The following SYNRG variants were observed in gnomAD, a reference collection of about 807,000 sequenced individuals.
SYNRG encodes the protein AP1 gamma subunit binding protein 1.
A neutral mutation model predicts 130.9 loss-of-function variants in SYNRG; 37 were observed. The ratio of observed to expected loss-of-function variants is 0.28; its 90% CI spans 0.22 to 0.37. The LOEUF is 0.37. SYNRG is among the 10% of genes least tolerant of loss of function. The probability of loss-of-function intolerance (pLI) is 1.00; values close to 1 mark genes in which losing one functional copy is unlikely to be tolerated. For synonymous variants in SYNRG, 539 were observed against 568.1 expected (o/e 0.95, Z 0.73); for missense variants, 1,338 against 1,588.9 (o/e 0.84, Z 2.68).
intron 19 of SYNRG, among the ~76,000 whole-genome samples, chr17:37,522,246 T>C (rs183240271): frequency 1.3e-5 from 2 of 152,144 alleles, no homozygotes; most frequent in Admixed American, 1.3e-4. Flanking sequence ...CACAGCTCAC[T>C]GCAGCCTTGA....
At chr17:37,606,057 CTA>C (rs1418198927) in intron 1 of SYNRG, 1 of 960,146 alleles carries the variant, frequency 1.0e-6, no homozygotes, top group Non-Finnish European at 1.2e-6. Flanking sequence ...GAAGTTAAAA[CTA>C]TGAAATGATT....
At position 37,517,415 on chromosome 17, in the gene SYNRG, C is replaced by A. The variant is rs1286334337; in HGVS notation, c.*1525G>T. On this transcript the variant is annotated 3_prime_UTR_variant, in exon 22 of 22. Transcript: ENST00000612223. ...AAGGTGCCCATTCAGAGTGAGCTGC[C>A]TCAGTCAGGAATGGCCAGAGACGGT... 3 of 151,912 alleles carry A rather than the reference C, an allele frequency of 2.0e-5. No individual in the cohort carries two copies. The highest frequency in any genetic ancestry group is 7.3e-5 in the African/African-American group (3 of 41,350). 9.4% of individuals were successfully genotyped at this position (151,912 alleles called of 1,614,324 possible). A position where few individuals can be genotyped will look rare whatever the true frequency, so the allele number is the denominator to read the frequency against.
At chr17:37,531,460 A>C (rs948270457) in intron 19 of SYNRG, among the ~76,000 whole-genome samples, 2 of 152,176 alleles carry the variant, frequency 1.3e-5, no homozygotes, top group African/African-American at 4.8e-5. Flanking sequence ...AAAAAATGAA[A>C]AAACTAAAAG....
chr17:37,566,019 C>A (rs2059953504), intron 11 of SYNRG, among the ~76,000 whole-genome samples: 3 of 148,036 alleles, frequency 2.0e-5, no homozygotes, highest in Non-Finnish European at 3.0e-5. Flanking sequence ...GTGGGGGGGT[C>A]AGCCCCCCGC....
chr17:37,568,384 C>T (rs2060156248), intron 11 of SYNRG: 1 of 155,284 alleles, frequency 6.4e-6, no homozygotes, highest in Non-Finnish European at 1.4e-5. Context: ...GATTAGAGTT[C>T]TGAATTATGA....
Position 37,553,098 on chromosome 17 carries a change from T to G in SYNRG, c.2608+17A>C. 6.2e-7 allele frequency: 1 copy of G among 1,603,540 alleles called. No individual in the cohort carries two copies. The highest frequency in any genetic ancestry group is 8.5e-7 in the Non-Finnish European group (1 of 1,176,434). On this transcript the variant is annotated intron_variant, in intron 14 of 21. Coordinates refer to ENST00000612223, the MANE Select transcript of SYNRG (RefSeq NM_007247.6). The stretch of plus-strand genomic sequence containing the variant: ...ATCTACAACACCATCACCAGAGCAA[T>G]CTCACCAATTCCTCACCTGCAGCAG...
chr17:37,540,288 T>G, intron 16 of SYNRG, 92 bp downstream of exon 16: 1 of 1,454,868 alleles, frequency 6.9e-7, no homozygotes, highest in Non-Finnish European at 9.4e-7. Context: ...TGCCCCTCAT[T>G]TTCCCCATGT....
At position 37,542,214 on chromosome 17, in the gene SYNRG, T is replaced by G. The variant is rs138000514; in HGVS notation, c.2960A>C (p.Asp987Ala). The change falls in exon 15 of 22, where the codon GAT becomes GCT. Residue 987 changes from aspartate to alanine, a missense_variant. Around this residue, in one of 3 missense-constraint regions of SYNRG, gnomAD observed 1,146 missense variants for 1,342.3 expected, o/e 0.85. Coordinates refer to ENST00000612223, the MANE Select transcript of SYNRG (RefSeq NM_007247.6). ...QKEYENRDYKDFTKQDLPTAE... is the reference protein window; with the variant it reads ...QKEYENRDYKAFTKQDLPTAE... ...CGTAGGCAGGTCCTGTTTTGTGAAA[T>G]CTTTATAGTCTCTGTTTTCATATTC... The G allele has an allele frequency of 2.8e-4, 446 of 1,614,222 alleles. 1 individual carries two copies. The African/African-American group carries it at 5.2e-3, about 19-fold the overall frequency.
intron 19 of SYNRG, among the ~76,000 whole-genome samples, chr17:37,526,118 G>C (rs1446414995): frequency 6.6e-6 from 1 of 152,096 alleles, no homozygotes; most frequent in Non-Finnish European, 1.5e-5. Context: ...GGGCAACAGA[G>C]GAAGATGCCA....
chr17:37,566,385 T>C (rs1218879468), intron 11 of SYNRG, among the ~76,000 whole-genome samples: 3 of 146,754 alleles, frequency 2.0e-5, no homozygotes, highest in African/African-American at 7.7e-5. Context: ...CAGGGTTAAA[T>C]GGATTAAGGG....
intron 1 of SYNRG, among the ~76,000 whole-genome samples, chr17:37,604,098 G>C (rs2063527731): frequency 6.6e-6 from 1 of 152,060 alleles, no homozygotes; most frequent in African/African-American, 2.4e-5. Context: ...AAATTAGCCT[G>C]GCGTGGTGGT....
chr17:37,565,941 C>T (rs1257681833), intron 11 of SYNRG, among the ~76,000 whole-genome samples: 4 of 147,536 alleles, frequency 2.7e-5, no homozygotes, highest in African/African-American at 1.1e-4. Context: ...CCCGGCCAGC[C>T]GCCCCGTCCG....
chr17:37,566,024 CCCCGCCCGGCCAGCCGT>C (rs1258884134), intron 11 of SYNRG, among the ~76,000 whole-genome samples: 2 of 150,014 alleles, frequency 1.3e-5, no homozygotes, highest in Admixed American at 6.6e-5. Context: ...GGGGTCAGCC[CCCCGCCCGGCCAGCCGT>C]CCCGTCCGGG....
rs2058882708 is a variant in SYNRG, at chr17:37,553,719, A to G, written c.2004T>C (p.Asp668=). The change falls in exon 14 of 22, where the codon GAT becomes GAC. Residue 668 remains aspartate (D), a synonymous_variant. Coordinates refer to ENST00000612223, the MANE Select transcript of SYNRG (RefSeq NM_007247.6). ...CAAAAAGGCTGAATTCTCCAAAATC[A>G]TCAGCCAAACTAGAAGTTTTTGTTG... The part of the protein sequence containing the change: ...LAATKTSSLA[D]DFGEFSLFGE... The G allele has an allele frequency of 6.2e-7, 1 of 1,613,694 alleles. No homozygotes were observed. Among genetic ancestry groups the G allele is most frequent in the Non-Finnish European group, 8.5e-7 (1 of 1,179,936 alleles).
chr17:37,586,620 T>G, intron 3 of SYNRG, 71 bp from the exon 4 acceptor site: 1 of 1,553,718 alleles, frequency 6.4e-7, no homozygotes, highest in Non-Finnish European at 8.8e-7. Flanking sequence ...AAATGTGACT[T>G]CCATAAATTC....
intron 1 of SYNRG, among the ~76,000 whole-genome samples, chr17:37,603,294 A>G (rs1321188526): frequency 2.0e-5 from 3 of 152,082 alleles, no homozygotes; most frequent in African/African-American, 7.2e-5. Flanking sequence ...GCTTGAGCCC[A>G]TGAGTTTGAG....
intron 18 of SYNRG, 81 bp downstream of exon 18, chr17:37,538,243 C>G (rs2057396378): frequency 2.8e-6 from 3 of 1,072,052 alleles, no homozygotes; most frequent in Non-Finnish European, 1.4e-6. Context: ...CTTGAGAGAT[C>G]TAGCTTAAAA....
chr17:37,571,781 C>T lies in SYNRG; in HGVS notation c.1098+10G>A, dbSNP rs747684444. ...AAGTTATTTGATCTAACTTAAGAAA[C>T]ATTGTTTACCTGTGTTACCGCTATC... On this transcript the variant is annotated intron_variant, in intron 9 of 21. Transcript: ENST00000612223. The T allele has an allele frequency of 6.3e-7, 1 of 1,590,584 alleles. No individual in the cohort carries two copies. The highest frequency in any genetic ancestry group is 1.2e-5 in the South Asian group (1 of 86,556).
chr17:37,520,487 A>G, intron 20 of SYNRG, 51 bp downstream of exon 20: 3 of 1,545,526 alleles, frequency 1.9e-6, no homozygotes, highest in Non-Finnish European at 2.7e-6. Flanking sequence ...GGTTGTCCAG[A>G]GTCATGTTAG....
Sources: allele counts gnomAD v4.1 joint callset (sites outside exome capture counted in the v4.1 genomes callset), GRCh38; gene constraint gnomAD v4.1.1; regional missense constraint gnomAD v4.1.1; transcripts MANE v1.5; gene names NCBI Gene and HGNC (gene_info 2026-07-23, HGNC 2026-07-21).